TRMT11: variants seen among roughly 807,000 people sequenced by gnomAD.
TRMT11 encodes the protein tRNA methyltransferase 11.
In TRMT11, 53 loss-of-function variants were observed where a neutral mutation model predicts 62.8. That is an observed-to-expected ratio of 0.84 (90% CI 0.68 to 1.06). The LOEUF (loss-of-function observed/expected upper bound fraction) is 1.06. TRMT11 is among the 50% of genes least tolerant of loss of function. TRMT11 has a pLI of 0.00. For synonymous variants in TRMT11, 188 were observed against 190.3 expected, an observed-to-expected ratio of 0.99 and a Z score of 0.10; for missense variants, 556 against 553.4, an observed-to-expected ratio of 1.00 and a Z score of -0.05.
chr6:125,998,057 A>G lies in TRMT11; in HGVS notation c.217A>G (p.Ile73Val), dbSNP rs768787151. 38 of 1,608,616 alleles carry G rather than the reference A, an allele frequency of 2.4e-5. No homozygotes were observed. The Admixed American group carries it at 3.8e-4, about 16-fold the overall frequency. ...TACCAATCATTTATTTCCTAGGTCT[A>G]TATTTGAACTATGGGGTCATGGACA... ...LMKRTVCAKS[I>V]FELWGHGQSP... is the part of the protein sequence containing the mutation. Residue 73 changes from isoleucine to valine, a missense_variant, in exon 4 of 13, where the codon ATA (isoleucine) becomes GTA (valine). Ile to Val is a conservative substitution (Grantham distance 29). Coordinates refer to ENST00000334379, the MANE Select transcript of TRMT11 (RefSeq NM_001031712.3).
upstream of TRMT11, among the ~76,000 whole-genome samples, chr6:126,174,387 G>C (rs1025018899): frequency 1.3e-5 from 2 of 152,166 alleles, no homozygotes; most frequent in African/African-American, 4.8e-5. Flanking sequence ...TTTCGTATCT[G>C]TACTTCTTGA....
At chr6:126,156,388 C>A (rs962878740) in intron 21 of TRMT11, among the ~76,000 whole-genome samples, 54 of 152,318 alleles carry the variant, frequency 3.5e-4, no homozygotes, top group African/African-American at 1.3e-3. Context: ...ACCCATATAG[C>A]AGGCTTCTGC....
At chr6:126,095,860 A>T (rs1032005068) in intron 17 of TRMT11, among the ~76,000 whole-genome samples, 4 of 152,174 alleles carry the variant, frequency 2.6e-5, no homozygotes, top group Non-Finnish European at 5.9e-5. Flanking sequence ...TTTAAGTGGG[A>T]TCAAACATTT....
intron 21 of TRMT11, among the ~76,000 whole-genome samples, chr6:126,143,032 ATGT>A (rs1777936365): frequency 6.6e-6 from 1 of 152,142 alleles, no homozygotes; most frequent in Non-Finnish European, 1.5e-5. Flanking sequence ...TCAGGCACTA[ATGT>A]TGTATACACT....
At chr6:126,212,105 A>AT in the TRMT11 span, among the ~76,000 whole-genome samples, 4 of 152,094 alleles carry the variant, frequency 2.6e-5, no homozygotes, top group Non-Finnish European at 5.9e-5. Flanking sequence ...ACAGGATCTC[A>AT]TTTTTTATGG....
intron 21 of TRMT11, among the ~76,000 whole-genome samples, chr6:126,121,676 G>C (rs538580524): frequency 6.6e-6 from 1 of 152,216 alleles, no homozygotes; most frequent in South Asian, 2.1e-4. Flanking sequence ...AAAGCACTTA[G>C]CAAAGTATCT....
At chr6:126,226,363 C>A in the TRMT11 span, among the ~76,000 whole-genome samples, 1 of 152,046 alleles carries the variant, frequency 6.6e-6, no homozygotes, top group Non-Finnish European at 1.5e-5. Flanking sequence ...ATAGACCTTG[C>A]CAATCCCAAT....
chr6:125,989,826 A>G (rs1790308748), intron 1 of TRMT11, among the ~76,000 whole-genome samples: 1 of 152,074 alleles, frequency 6.6e-6, no homozygotes, highest in African/African-American at 2.4e-5. Flanking sequence ...TTGTGCTTTC[A>G]CTTCCCACCT....
At chr6:126,127,089 G>T (rs1032359692) in intron 21 of TRMT11, among the ~76,000 whole-genome samples, 1 of 152,078 alleles carries the variant, frequency 6.6e-6, no homozygotes, top group Admixed American at 6.6e-5. Flanking sequence ...GTTGATGACC[G>T]GTCTCCTTCT....
chr6:126,261,242 A>T, the TRMT11 span, among the ~76,000 whole-genome samples: 1 of 151,770 alleles, frequency 6.6e-6, no homozygotes, highest in Admixed American at 6.6e-5. Flanking sequence ...TCATTAACTG[A>T]TTTTTTTCAG....
intron 17 of TRMT11, among the ~76,000 whole-genome samples, chr6:126,077,468 G>A (rs1006588297): frequency 3.3e-5 from 5 of 152,112 alleles, no homozygotes; most frequent in Admixed American, 3.3e-4. Context: ...GAGATAAGAG[G>A]CTCCAAGAGA....
At chr6:126,222,335 T>C in the TRMT11 span, among the ~76,000 whole-genome samples, 1 of 152,180 alleles carries the variant, frequency 6.6e-6, no homozygotes, top group African/African-American at 2.4e-5. Flanking sequence ...AGTTTTTTTT[T>C]CTAAATTCTG....
chr6:126,124,935 A>G (rs1777697975), intron 21 of TRMT11, among the ~76,000 whole-genome samples: 1 of 152,072 alleles, frequency 6.6e-6, no homozygotes. Flanking sequence ...TTAGAAATTA[A>G]CCTCCTGTCT....
the TRMT11 span, among the ~76,000 whole-genome samples, chr6:126,266,653 ACCT>A: frequency 2.7e-3 from 412 of 152,076 alleles, 1 homozygote; most frequent in African/African-American, 9.5e-3. Context: ...GAGGTGCAAA[ACCT>A]CCTCCTCTCA....
the TRMT11 span, among the ~76,000 whole-genome samples, chr6:126,242,224 C>T: frequency 1.3e-5 from 2 of 152,162 alleles, no homozygotes; most frequent in East Asian, 3.8e-4. Context: ...ATCCAACTTA[C>T]AAGGGAAGTG....
intron 17 of TRMT11, among the ~76,000 whole-genome samples, chr6:126,068,597 G>A (rs1776756639): frequency 6.6e-6 from 1 of 152,266 alleles, no homozygotes; most frequent in African/African-American, 2.4e-5. Context: ...CAATACAATA[G>A]TACATCTTTG....
At chr6:126,269,837 G>A in the TRMT11 span, among the ~76,000 whole-genome samples, 1 of 152,104 alleles carries the variant, frequency 6.6e-6, no homozygotes, top group East Asian at 1.9e-4. Context: ...AAAGATGGAG[G>A]AATAAGGAAA....
chr6:126,111,155 G>A (rs758635186), intron 17 of TRMT11, among the ~76,000 whole-genome samples: 1 of 151,974 alleles, frequency 6.6e-6, no homozygotes, highest in African/African-American at 2.4e-5. Context: ...AGACCCCATG[G>A]GGTGGAATCT....
At chr6:126,111,427 C>T (rs1777530018) in intron 17 of TRMT11, among the ~76,000 whole-genome samples, 1 of 152,086 alleles carries the variant, frequency 6.6e-6, no homozygotes, top group Non-Finnish European at 1.5e-5. Flanking sequence ...AGACACCCCC[C>T]ACACTTTTTA....
Sources: allele counts gnomAD v4.1 joint callset (sites outside exome capture counted in the v4.1 genomes callset), GRCh38; gene constraint gnomAD v4.1.1; transcripts MANE v1.5; gene names NCBI Gene and HGNC (gene_info 2026-07-23, HGNC 2026-07-21).